The following NHS variants were observed in gnomAD, a reference collection of about 807,000 sequenced individuals.
The protein encoded by NHS is actin remodeling regulator NHS.
A neutral mutation model predicts 72.5 loss-of-function variants in NHS; 5 were observed. The ratio of observed to expected loss-of-function variants is 0.07; its 90% CI spans 0.04 to 0.14. NHS has a LOEUF of 0.14. Ranked by LOEUF, NHS falls within the 10% of genes least tolerant of loss-of-function variation. The pLI is 1.00. For missense variants in NHS, 1,072 were observed against 1,355.7 expected, an observed-to-expected ratio of 0.79 and a Z score of 3.29; for synonymous variants, 464 against 547.7, an observed-to-expected ratio of 0.85 and a Z score of 2.13.
At chrX:17,519,395 AAAAG>A (rs2065136493) in intron 1 of NHS, among the ~76,000 whole-genome samples, 1 of 112,368 alleles carries the variant, frequency 8.9e-6, no homozygotes. Flanking sequence ...CAAAAAGTAA[AAAAG>A]AAAGAAATGT....
At chrX:17,558,407 A>G (rs1210921085) in intron 1 of NHS, among the ~76,000 whole-genome samples, 2 of 112,312 alleles carry the variant, frequency 1.8e-5, no homozygotes, top group Non-Finnish European at 3.8e-5. Flanking sequence ...TATTTCTTCA[A>G]CTATACCTTT....
At chrX:17,410,531 T>TC (rs1010505828) in intron 1 of NHS, among the ~76,000 whole-genome samples, 1 of 105,966 alleles carries the variant, frequency 9.4e-6, no homozygotes, top group African/African-American at 3.5e-5. Context: ...TTTTTTTTTT[T>TC]TTTTTTCCAG....
At chrX:17,566,890 C>T (rs375787078) in intron 1 of NHS, among the ~76,000 whole-genome samples, 6 of 110,951 alleles carry the variant, frequency 5.4e-5, no homozygotes, top group East Asian at 2.8e-4. Context: ...CCCCATTTAA[C>T]CTTGTGACTC....
At chrX:17,446,566 A>G (rs990634857) in intron 1 of NHS, among the ~76,000 whole-genome samples, 15 of 108,381 alleles carry the variant, frequency 1.4e-4, no homozygotes, top group African/African-American at 4.0e-4. Flanking sequence ...TCCAAATCCT[A>G]TAAAATGGCC....
intron 1 of NHS, among the ~76,000 whole-genome samples, chrX:17,378,537 A>G (rs1601679775): frequency 1.8e-5 from 2 of 111,869 alleles, no homozygotes; most frequent in Non-Finnish European, 3.8e-5. Context: ...GTCTTGGTTT[A>G]GGTTTCCTAG....
intron 1 of NHS, among the ~76,000 whole-genome samples, chrX:17,512,919 A>T (rs2065097512): frequency 9.0e-6 from 1 of 111,520 alleles, no homozygotes; most frequent in African/African-American, 3.3e-5. Context: ...TTCAGTAGAG[A>T]CTGTGGCTGG....
intron 1 of NHS, among the ~76,000 whole-genome samples, chrX:17,575,335 C>T (rs1380047880): frequency 2.7e-5 from 3 of 113,198 alleles, no homozygotes; most frequent in East Asian, 2.8e-4. Context: ...GGGCCATACT[C>T]CCTTGGCACA....
chrX:17,545,149 G>T (rs1248387188), intron 1 of NHS, among the ~76,000 whole-genome samples: 2 of 112,149 alleles, frequency 1.8e-5, no homozygotes, highest in African/African-American at 6.5e-5. Context: ...TTCCTGCTTA[G>T]CCACCTTCAT....
At chrX:17,446,193 C>G (rs763861171) in intron 1 of NHS, among the ~76,000 whole-genome samples, 2 of 110,677 alleles carry the variant, frequency 1.8e-5, no homozygotes, top group South Asian at 7.8e-4. Context: ...CAAAGCAGCC[C>G]TGAGAAACAT....
chrX:17,644,481 C>G (rs745987938), intron 1 of NHS, among the ~76,000 whole-genome samples: 8 of 111,636 alleles, frequency 7.2e-5, no homozygotes, highest in Non-Finnish European at 1.5e-4. Flanking sequence ...TTGGGGGAAG[C>G]CTTCCCTGAA....
intron 1 of NHS, among the ~76,000 whole-genome samples, chrX:17,491,362 C>A (rs997899345): frequency 1.8e-5 from 2 of 111,861 alleles, no homozygotes; most frequent in Non-Finnish European, 3.8e-5. Context: ...GCCTTGTCTG[C>A]ATCTATTGAG....
In NHS at chrX:17,611,018, G is replaced by A. The variant is rs562210953; in HGVS notation, c.566-76724G>A. Reference sequence around the variant, plus strand: ...ACTGTTTTGTTTCAGGATGGCTGGCGGGACCACAAATTGCGCTTAAGATGA... The same window carrying A: ...ACTGTTTTGTTTCAGGATGGCTGGCAGGACCACAAATTGCGCTTAAGATGA... On this transcript the variant is annotated intron_variant, in intron 1 of 8. Coordinates refer to ENST00000676302, the MANE Select transcript of NHS (RefSeq NM_001291867.2). 5.1e-4 allele frequency among the ~76,000 whole-genome samples: 57 copies of A among 112,226 alleles called. 1 individual carries two copies. In the South Asian group the frequency reaches 0.02, roughly 40 times the overall value.
Position 17,375,356 on chromosome X carries a change from C to A in NHS, c.-402C>A. 3.0e-6 allele frequency: 1 copy of A among 335,922 alleles called. No individual in the cohort carries two copies. Among genetic ancestry groups the A allele is most frequent in the South Asian group, 1.1e-4 (1 of 9,012 alleles). 27.7% of individuals were successfully genotyped at this position (335,922 alleles called of 1,213,427 possible). On this transcript the variant is annotated 5_prime_UTR_variant, in exon 1 of 9. Coordinates refer to ENST00000676302, the MANE Select transcript of NHS (RefSeq NM_001291867.2). The stretch of plus-strand genomic sequence containing the variant: ...ACACACTCACACCCACCCACCCACT[C>A]ACCCACACACACACAGACACACGCA...
chrX:17,620,782 A>G (rs911739712), intron 1 of NHS, among the ~76,000 whole-genome samples: 2 of 111,009 alleles, frequency 1.8e-5, no homozygotes, highest in Non-Finnish European at 3.8e-5. Context: ...ACATATCTGG[A>G]TTTGTCTGCT....
chrX:17,439,975 C>G (rs976025163), intron 1 of NHS, among the ~76,000 whole-genome samples: 1 of 111,324 alleles, frequency 9.0e-6, no homozygotes, highest in Non-Finnish European at 1.9e-5. Flanking sequence ...AAAATGGAAA[C>G]GAGGCCAGGC....
At chrX:17,538,866 G>C (rs1208283766) in intron 1 of NHS, among the ~76,000 whole-genome samples, 1 of 111,895 alleles carries the variant, frequency 8.9e-6, no homozygotes, top group African/African-American at 3.3e-5. Flanking sequence ...AGATGTCCAG[G>C]TTGGATGTAC....
At chrX:17,686,190 AT>A (rs2066161576) in intron 1 of NHS, among the ~76,000 whole-genome samples, 1 of 112,656 alleles carries the variant, frequency 8.9e-6, no homozygotes, top group Non-Finnish European at 1.9e-5. Context: ...TCTTTTGGAA[AT>A]TCTGATTCAA....
chrX:17,701,257 C>T (rs748838282), intron 3 of NHS, among the ~76,000 whole-genome samples: 1 of 111,811 alleles, frequency 8.9e-6, no homozygotes, highest in South Asian at 3.7e-4. Flanking sequence ...TGATCTATAA[C>T]TATATAAGAA....
intron 1 of NHS, among the ~76,000 whole-genome samples, chrX:17,496,399 C>T (rs1164154293): frequency 3.6e-5 from 4 of 111,360 alleles, no homozygotes; most frequent in African/African-American, 1.3e-4. Flanking sequence ...GACAGCAATC[C>T]GTTTTTGACC....
Sources: gnomAD v4.1 joint callset for allele counts (sites outside exome capture counted in the v4.1 genomes callset) on GRCh38, gnomAD v4.1.1 for gene constraint, MANE v1.5 for transcripts, NCBI Gene and HGNC (gene_info 2026-07-23, HGNC 2026-07-21) for gene names.